The following GRID2 variants were observed in gnomAD, a reference collection of about 807,000 sequenced individuals.
GRID2 encodes glutamate ionotropic receptor delta type subunit 2.
In GRID2, 33 loss-of-function variants were observed where a neutral mutation model predicts 114.8. That is an observed-to-expected ratio of 0.29 (90% CI 0.22 to 0.38). The LOEUF is 0.38. Ranked by LOEUF, GRID2 falls within the 10% of genes least tolerant of loss-of-function variation. GRID2 has a pLI of 1.00. For synonymous variants in GRID2, 505 were observed against 449.9 expected, an observed-to-expected ratio of 1.12 and a Z score of -1.55; for missense variants, 1,184 against 1,257.7, an observed-to-expected ratio of 0.94 and a Z score of 0.89.
intron 2 of GRID2, among the ~76,000 whole-genome samples, chr4:92,880,434 T>C (rs1745925037): frequency 1.3e-5 from 2 of 152,182 alleles, no homozygotes; most frequent in South Asian, 2.1e-4. Flanking sequence ...TGACTAGATA[T>C]CAAATACTAA....
intron 13 of GRID2, among the ~76,000 whole-genome samples, chr4:93,517,885 T>A (rs957403699): frequency 2.0e-5 from 3 of 150,350 alleles, no homozygotes; most frequent in Non-Finnish European, 3.0e-5. Flanking sequence ...TGGGCAAGAA[T>A]CCATATATAT....
chr4:93,132,975 T>C (rs1449591445), intron 4 of GRID2, among the ~76,000 whole-genome samples: 1 of 152,224 alleles, frequency 6.6e-6, no homozygotes, highest in Non-Finnish European at 1.5e-5. Flanking sequence ...CCTTTTCATA[T>C]GGTTCACTTC....
At chr4:92,955,277 G>A (rs1365303429) in intron 2 of GRID2, among the ~76,000 whole-genome samples, 2 of 150,134 alleles carry the variant, frequency 1.3e-5, no homozygotes, top group African/African-American at 4.9e-5. Context: ...TCCAGCACCT[G>A]TTGTTTCCTG....
At chr4:93,241,250 G>T (rs1747474463) in intron 8 of GRID2, among the ~76,000 whole-genome samples, 1 of 151,590 alleles carries the variant, frequency 6.6e-6, no homozygotes. Context: ...TTCAACTGTA[G>T]ATTCTTGTGA....
intron 4 of GRID2, among the ~76,000 whole-genome samples, chr4:93,131,257 G>A (rs962148304): frequency 3.4e-5 from 5 of 145,798 alleles, no homozygotes; most frequent in Non-Finnish European, 7.4e-5. Context: ...AGGTTAAAGC[G>A]ATTCTCCTAC....
chr4:92,591,652 G>C (rs1329891122), intron 2 of GRID2, among the ~76,000 whole-genome samples: 1 of 152,088 alleles, frequency 6.6e-6, no homozygotes, highest in African/African-American at 2.4e-5. Context: ...TCTGCTTGAT[G>C]CGCAGGTAAC....
intron 2 of GRID2, among the ~76,000 whole-genome samples, chr4:93,028,749 T>G (rs1724118543): frequency 6.6e-6 from 1 of 152,066 alleles, no homozygotes; most frequent in African/African-American, 2.4e-5. Context: ...GAGCCTATAC[T>G]TTCATTTTAC....
intron 14 of GRID2, among the ~76,000 whole-genome samples, chr4:93,662,850 A>T (rs899688035): frequency 6.6e-6 from 1 of 152,210 alleles, no homozygotes; most frequent in African/African-American, 2.4e-5. Flanking sequence ...TGAGAAAACA[A>T]AACAATTAGA....
chr4:93,217,206 C>A (rs531478382), intron 6 of GRID2: 1 of 195,158 alleles, frequency 5.1e-6, no homozygotes. Context: ...GTAATTGGTA[C>A]TCCTTTTTCC....
At chr4:93,440,512 T>C (rs921065363) in intron 10 of GRID2, among the ~76,000 whole-genome samples, 7 of 152,024 alleles carry the variant, frequency 4.6e-5, no homozygotes, top group African/African-American at 1.7e-4. Context: ...AAAATACATG[T>C]GGTCATAAGA....
intron 1 of GRID2, among the ~76,000 whole-genome samples, chr4:92,382,684 A>AAGGGATG (rs1340861679): frequency 2.0e-5 from 3 of 152,036 alleles, no homozygotes; most frequent in Non-Finnish European, 4.4e-5. Context: ...CAAATTTAGA[A>AAGGGATG]AGGGATGACC....
At chr4:92,447,220 A>G (rs1003177578) in intron 1 of GRID2, among the ~76,000 whole-genome samples, 1 of 152,184 alleles carries the variant, frequency 6.6e-6, no homozygotes, top group Non-Finnish European at 1.5e-5. Context: ...GACCTCAAAA[A>G]TAGATTTGCT....
chr4:92,816,337 A>AAAT (rs1325527452), intron 2 of GRID2, among the ~76,000 whole-genome samples: 4 of 151,500 alleles, frequency 2.6e-5, no homozygotes, highest in African/African-American at 9.7e-5. Context: ...AAAAAAAAAA[A>AAAT]AAAAGTACAT....
At chr4:93,269,290 T>C (rs1751176405) in intron 8 of GRID2, among the ~76,000 whole-genome samples, 1 of 147,550 alleles carries the variant, frequency 6.8e-6, no homozygotes, top group Admixed American at 6.6e-5. Flanking sequence ...AGAAATAGGA[T>C]CAGGCATTTT....
At chr4:93,520,707 A>G (rs911039907) in intron 13 of GRID2, among the ~76,000 whole-genome samples, 1 of 152,138 alleles carries the variant, frequency 6.6e-6, no homozygotes, top group East Asian at 1.9e-4. Flanking sequence ...TCCAAATTGT[A>G]TCTTAATTGG....
At chr4:92,692,104 C>T (rs1734210301) in intron 2 of GRID2, among the ~76,000 whole-genome samples, 1 of 152,144 alleles carries the variant, frequency 6.6e-6, no homozygotes, top group South Asian at 2.1e-4. Flanking sequence ...CCCCTACCAA[C>T]ATTTTTGAAG....
At chr4:93,630,381 GT>G in intron 14 of GRID2, among the ~76,000 whole-genome samples, 1 of 152,250 alleles carries the variant, frequency 6.6e-6, no homozygotes, top group South Asian at 2.1e-4. Context: ...AATTTTTCGG[GT>G]TGACTTCATT....
intron 2 of GRID2, among the ~76,000 whole-genome samples, chr4:93,016,994 G>A (rs1382773381): frequency 6.6e-6 from 1 of 152,162 alleles, no homozygotes; most frequent in East Asian, 1.9e-4. Flanking sequence ...ATGAATTCAT[G>A]TTGAGACAGA....
chr4:93,775,070 A>AAT (rs111449467), downstream of GRID2, among the ~76,000 whole-genome samples: 129 of 152,204 alleles, frequency 8.5e-4, no homozygotes, highest in African/African-American at 3.0e-3. Context: ...TTTGAACAAT[A>AAT]ATTTTAATTC....
Sources: gnomAD v4.1 joint callset for allele counts (sites outside exome capture counted in the v4.1 genomes callset) on GRCh38, gnomAD v4.1.1 for gene constraint, MANE v1.5 for transcripts, NCBI Gene and HGNC (gene_info 2026-07-23, HGNC 2026-07-21) for gene names.